Variants in RELCH observed in about 807,000 individuals in gnomAD.
RELCH encodes RAB11-binding protein RELCH.
In RELCH, 41 loss-of-function variants were observed where a neutral mutation model predicts 150.3. That is an observed-to-expected ratio of 0.27 (90% CI 0.21 to 0.35). The LOEUF (loss-of-function observed/expected upper bound fraction) is 0.35. Among genes scored for constraint, RELCH ranks in the 10% least tolerant of loss-of-function variants. The pLI is 1.00. For missense variants in RELCH, 1,092 were observed against 1,467.8 expected (o/e 0.74, Z 4.18); for synonymous variants, 478 against 531.8 (o/e 0.90, Z 1.39).
At chr18:62,265,575 AAATTT>A (rs1341639479) in intron 18 of RELCH, among the ~76,000 whole-genome samples, 1 of 152,076 alleles carries the variant, frequency 6.6e-6, no homozygotes, top group Non-Finnish European at 1.5e-5. Flanking sequence ...TTTAATTATT[AAATTT>A]AATTTAGTGT....
At chr18:62,261,700 C>T (rs376821910) in intron 16 of RELCH, 42 bp downstream of exon 16, 47 of 1,547,990 alleles carry the variant, frequency 3.0e-5, no homozygotes, top group Non-Finnish European at 3.8e-5. Context: ...AGAATATTAG[C>T]AGCCTAGCTT....
chr18:62,257,579 G>C (rs562377666), intron 13 of RELCH, among the ~76,000 whole-genome samples: 2 of 151,984 alleles, frequency 1.3e-5, no homozygotes. Flanking sequence ...AGTAGACTTT[G>C]TTGATTTGTT....
At chr18:62,275,261 T>A in intron 21 of RELCH, 113 bp from the exon 22 acceptor site, 1 of 560,110 alleles carries the variant, frequency 1.8e-6, no homozygotes, top group South Asian at 2.8e-5. Context: ...TAATTCCATA[T>A]GTTCTGCAAA....
chr18:62,251,879 GA>G (rs2042721999), intron 11 of RELCH, among the ~76,000 whole-genome samples: 1 of 152,114 alleles, frequency 6.6e-6, no homozygotes, highest in African/African-American at 2.4e-5. Context: ...TACCTATACA[GA>G]AATCCCTTCA....
chr18:62,194,746 G>A (rs1599766367), intron 1 of RELCH, among the ~76,000 whole-genome samples: 2 of 152,044 alleles, frequency 1.3e-5, no homozygotes, highest in Admixed American at 6.6e-5. Context: ...GATTATAAAC[G>A]GTTTAAAGAT....
intron 28 of RELCH, among the ~76,000 whole-genome samples, chr18:62,303,299 A>C (rs1232248625): frequency 1.3e-5 from 2 of 152,196 alleles, no homozygotes; most frequent in African/African-American, 4.8e-5. Flanking sequence ...GATGTGTATC[A>C]GTAGACCTAC....
intron 1 of RELCH, among the ~76,000 whole-genome samples, chr18:62,191,521 C>T (rs1157354357): frequency 6.6e-6 from 1 of 152,100 alleles, no homozygotes; most frequent in African/African-American, 2.4e-5. Context: ...CAGATTAACC[C>T]ATCACCTAGG....
At chr18:62,234,255 C>T (rs1185016700) in intron 10 of RELCH, among the ~76,000 whole-genome samples, 1 of 151,296 alleles carries the variant, frequency 6.6e-6, no homozygotes, top group African/African-American at 2.4e-5. Context: ...TAAATCTATA[C>T]ATATCTCTCC....
intron 15 of RELCH, among the ~76,000 whole-genome samples, chr18:62,259,983 G>A (rs2043174445): frequency 6.6e-6 from 1 of 151,818 alleles, no homozygotes; most frequent in Non-Finnish European, 1.5e-5. Flanking sequence ...ACGTTGGTCT[G>A]AGCAAAGATT....
chr18:62,245,499 G>A (rs574169412), intron 11 of RELCH, among the ~76,000 whole-genome samples: 23 of 152,078 alleles, frequency 1.5e-4, no homozygotes, highest in African/African-American at 5.5e-4. Flanking sequence ...GGTGGTGGGC[G>A]CCTGTAATCC....
Position 62,221,281 on chromosome 18 carries a change from G to A in RELCH, c.744+7G>A. On this transcript the variant is annotated splice_region_variant and intron_variant, in intron 4 of 28. Transcript: ENST00000644646. ...ATCAAGTCCTGAAATTCAGGTGGGT[G>A]ACAGAAGACAAATGTAAAATTAATC... 1 of 1,601,974 alleles carries A rather than the reference G, an allele frequency of 6.2e-7. No individual in the cohort carries two copies. The highest frequency in any genetic ancestry group is 8.6e-7 in the Non-Finnish European group (1 of 1,169,498).
Position 62,244,770 on chromosome 18 carries a change from A to G in RELCH, c.1627A>G (p.Ile543Val). Residue 543 changes from isoleucine (I) to valine (V), a missense_variant, in exon 11 of 29, where the codon ATC becomes GTC. Coordinates refer to ENST00000644646, the MANE Select transcript of RELCH (RefSeq NM_001346231.2). The stretch of plus-strand genomic sequence containing the variant: ...CACCCTCGTATTTCTTTAGGAGTTG[A>G]TCCCCCTCATATTGTGTACAGCATG... The part of the protein sequence containing the change: ...NVLLAKREEL[I>V]PLILCTACLH... 1.9e-6 allele frequency: 3 copies of G among 1,594,096 alleles called. No individual in the cohort carries two copies. The highest frequency in any genetic ancestry group is 2.6e-6 in the Non-Finnish European group (3 of 1,162,376).
In RELCH at chr18:62,227,613, C is replaced by T; in HGVS notation, c.1078C>T (p.Gln360Ter). The change falls in exon 7 of 29, where the codon CAG becomes TAG. Residue 360 changes from glutamine (Q) to a stop codon, truncating the protein, a stop_gained. Transcript: ENST00000644646. LOFTEE classifies it high-confidence loss of function. ...TTGATTTTAGAACTCCATGTTAGTA[C>T]AGAAATTAGAAGATAAAATTAGTTT... ...PQPAENSMLV[Q>*]KLEDKISLLN... 6.4e-7 allele frequency: 1 copy of T among 1,551,390 alleles called. No individual in the cohort carries two copies. The highest frequency in any genetic ancestry group is 8.8e-7 in the Non-Finnish European group (1 of 1,131,582).
At chr18:62,282,483 G>A (rs372107186) in intron 25 of RELCH, 39 bp downstream of exon 25, 20 of 1,602,404 alleles carry the variant, frequency 1.2e-5, no homozygotes, top group Non-Finnish European at 1.5e-5. Flanking sequence ...GAATTGTAAT[G>A]TAAGATCAAA....
chr18:62,267,482 ATATGTG>A (rs1172264201), intron 19 of RELCH, among the ~76,000 whole-genome samples: 104 of 89,270 alleles, frequency 1.2e-3, no homozygotes, highest in African/African-American at 3.3e-3. Flanking sequence ...GTCTAGGTAT[ATATGTG>A]TGTGTGTGTG....
intron 10 of RELCH, among the ~76,000 whole-genome samples, chr18:62,236,116 A>G (rs139221350): frequency 1.6e-4 from 24 of 152,056 alleles, no homozygotes; most frequent in African/African-American, 5.5e-4. Context: ...TGTCATATTA[A>G]AGAAGTTTCC....
At chr18:62,239,961 TATATATTTGGATATAA>T (rs1035535959) in intron 10 of RELCH, among the ~76,000 whole-genome samples, 4 of 152,004 alleles carry the variant, frequency 2.6e-5, no homozygotes, top group Admixed American at 6.6e-5. Flanking sequence ...CCAAATGTAA[TATATATTTGGATATAA>T]ATATATTTGG....
intron 25 of RELCH, among the ~76,000 whole-genome samples, chr18:62,286,596 AAGGGGTTGTGT>A (rs1230757724): frequency 2.0e-5 from 3 of 152,072 alleles, no homozygotes; most frequent in Non-Finnish European, 4.4e-5. Flanking sequence ...AGAGACTAGA[AAGGGGTTGTGT>A]GATTGGTCTT....
chr18:62,227,088 G>C (rs1338247596), intron 5 of RELCH, among the ~76,000 whole-genome samples: 1 of 151,678 alleles, frequency 6.6e-6, no homozygotes, highest in Non-Finnish European at 1.5e-5. Flanking sequence ...AGCTACTTGG[G>C]AGGCTGAGGT....
Sources: gnomAD v4.1 joint callset for allele counts (sites outside exome capture counted in the v4.1 genomes callset) on GRCh38, gnomAD v4.1.1 for gene constraint, MANE v1.5 for transcripts, NCBI Gene and HGNC (gene_info 2026-07-23, HGNC 2026-07-21) for gene names.